AKR1C4: variants seen among roughly 807,000 people sequenced by gnomAD.
The protein encoded by AKR1C4 is aldo-keto reductase family 1 member C4, also known as 3-alpha-HSD1.
A neutral mutation model predicts 41.0 loss-of-function variants in AKR1C4; 44 were observed. The observed-to-expected ratio is 1.07, with a 90% CI of 0.84 to 1.38. The LOEUF (loss-of-function observed/expected upper bound fraction) is 1.38, where lower values mean the gene tolerates loss of function less well. AKR1C4 is among the 40% of genes most tolerant of loss of function. The pLI, the probability that AKR1C4 is intolerant of heterozygous loss-of-function variation, is 0.00. For missense variants in AKR1C4, 438 were observed against 387.9 expected, an observed-to-expected ratio of 1.13 and a Z score of -1.09; for synonymous variants, 165 against 137.7, an observed-to-expected ratio of 1.20 and a Z score of -1.39.
At chr10:5,216,162 A>C (rs1199212786) in intron 7 of AKR1C4, among the ~76,000 whole-genome samples, 1 of 152,190 alleles carries the variant, frequency 6.6e-6, no homozygotes, top group Non-Finnish European at 1.5e-5. Context: ...GAAGAGGGAA[A>C]AAAAGAAAAT....
chr10:5,207,083 A>AGACC (rs1832501470), intron 5 of AKR1C4: 1 of 155,672 alleles, frequency 6.4e-6, no homozygotes, highest in Admixed American at 6.5e-5. Flanking sequence ...CGGGAGTCTT[A>AGACC]TAGCTGGGCC....
chr10:5,205,901 C>T, intron 4 of AKR1C4, 67 bp downstream of exon 4: 1 of 1,443,618 alleles, frequency 6.9e-7, no homozygotes, highest in Non-Finnish European at 9.5e-7. Context: ...CCCCAGCTTT[C>T]ATATGCAACA....
Position 5,213,106 on chromosome 10 carries a change from G to A in AKR1C4, c.793G>A (p.Val265Ile), listed in dbSNP as rs1832603317. 6.2e-7 allele frequency: 1 copy of A among 1,614,156 alleles called. No individual in the cohort carries two copies. Among genetic ancestry groups the A allele is most frequent in the Admixed American group, 1.7e-5 (1 of 60,022 alleles). Reference sequence around the variant, plus strand: ...CCTGCGCTACCAGCTGCAGCGTGGGGTTGTGGTCCTGGCCAAGAGCTACAA... The same window carrying A: ...CCTGCGCTACCAGCTGCAGCGTGGGATTGTGGTCCTGGCCAAGAGCTACAA... ...IALRYQLQRGVVVLAKSYNEQ... is the reference protein window; with the variant it reads ...IALRYQLQRGIVVLAKSYNEQ... Residue 265 changes from valine (V) to isoleucine (I), a missense_variant, in exon 7 of 9, where the codon GTT becomes ATT. Val to Ile is a conservative substitution (Grantham distance 29). Transcript: ENST00000263126.
chr10:5,208,170 A>G (rs1248621471), intron 5 of AKR1C4, among the ~76,000 whole-genome samples: 2 of 151,612 alleles, frequency 1.3e-5, no homozygotes, highest in African/African-American at 4.9e-5. Flanking sequence ...TTGACTGTCC[A>G]CATCTTATTC....
intron 5 of AKR1C4, among the ~76,000 whole-genome samples, chr10:5,209,187 G>C (rs904271897): frequency 6.6e-6 from 1 of 152,160 alleles, no homozygotes; most frequent in Non-Finnish European, 1.5e-5. Context: ...CTAATTTCCA[G>C]AGACATGTGT....
intron 3 of AKR1C4, 24 bp from the exon 4 acceptor site, chr10:5,205,733 C>A (rs782495506): frequency 1.3e-5 from 21 of 1,607,770 alleles, no homozygotes; most frequent in Middle Eastern, 1.7e-4. Context: ...AATGGTGACA[C>A]TAAAGTGACT....
intron 8 of AKR1C4, among the ~76,000 whole-genome samples, chr10:5,217,852 CCAAGGTTCTAGGATT>C (rs1454343817): frequency 2.0e-5 from 3 of 152,128 alleles, no homozygotes; most frequent in Admixed American, 2.0e-4. Flanking sequence ...TCTATATGCT[CCAAGGTTCTAGGATT>C]CACAGAAAGG....
chr10:5,206,198 T>C (rs1388901426), intron 4 of AKR1C4, 77 bp from the exon 5 acceptor site: 12 of 1,599,496 alleles, frequency 7.5e-6, no homozygotes, highest in Non-Finnish European at 1.0e-5. Context: ...AGTTGTTGCT[T>C]TAACAGTTCT....
In AKR1C4 at chr10:5,204,260, T is replaced by C. The variant is rs185826054; in HGVS notation, c.253-117T>C. The C allele has an allele frequency of 4.0e-6, 3 of 759,074 alleles. No individual in the cohort carries two copies. The African/African-American group carries it at 5.2e-5, about 13-fold the overall frequency. 47.0% of individuals were successfully genotyped at this position (759,074 alleles called of 1,614,324 possible). On this transcript the variant is annotated intron_variant, in intron 2 of 8. Transcript: ENST00000263126. Reference sequence around the variant, plus strand: ...TCATATCAAAATAAAACAAAGGGAATTTTTGCCAGAGGTCATCTGTTTGGA... The same window carrying C: ...TCATATCAAAATAAAACAAAGGGAACTTTTGCCAGAGGTCATCTGTTTGGA...
At chr10:5,214,697 T>TTCTAA (rs1554798317) in intron 7 of AKR1C4, among the ~76,000 whole-genome samples, 7 of 152,194 alleles carry the variant, frequency 4.6e-5, no homozygotes, top group Non-Finnish European at 1.0e-4. Context: ...TTTGAGAATT[T>TTCTAA]TCTAATCTAT....
intron 7 of AKR1C4, 114 bp downstream of exon 7, chr10:5,213,273 C>A: frequency 6.8e-7 from 1 of 1,479,442 alleles, no homozygotes; most frequent in South Asian, 1.4e-5. Flanking sequence ...ATTTCCTATG[C>A]ACAAATGCTT....
At chr10:5,199,653 T>C (rs941195486) in intron 1 of AKR1C4, among the ~76,000 whole-genome samples, 3 of 152,008 alleles carry the variant, frequency 2.0e-5, no homozygotes, top group Non-Finnish European at 4.4e-5. Context: ...TGACGCTGAG[T>C]TTGGCTGGGG....
At chr10:5,200,874 CCTGAATTA>C (rs1832390872) in intron 2 of AKR1C4, among the ~76,000 whole-genome samples, 1 of 152,138 alleles carries the variant, frequency 6.6e-6, no homozygotes. Context: ...GTTTTCCATT[CCTGAATTA>C]CTTTACTTAG....
At position 5,205,811 on chromosome 10, in the gene AKR1C4, G is replaced by C; in HGVS notation, c.424G>C (p.Val142Leu). 2 of 1,613,502 alleles carry C rather than the reference G, an allele frequency of 1.2e-6. No individual in the cohort carries two copies. Among genetic ancestry groups the C allele is most frequent in the Non-Finnish European group, 1.7e-6 (2 of 1,179,582 alleles). Residue 142 changes from valine to leucine, a missense_variant, in exon 4 of 9, where the codon GTG (valine) becomes CTG (leucine). Coordinates refer to ENST00000263126, the MANE Select transcript of AKR1C4 (RefSeq NM_001818.5). ...DENGKVIFDT[V>L]DLSATWEVME... ...AAATGGAAAAGTAATATTCGACACA[G>C]TGGATCTCTCTGCCACATGGGAGGT... is the stretch of plus-strand genomic sequence containing the variant.
Position 5,218,710 on chromosome 10 carries a change from C to A in AKR1C4, c.930-8C>A. The A allele has an allele frequency of 1.9e-6, 3 of 1,587,522 alleles. No homozygotes were observed. The highest frequency in any genetic ancestry group is 2.6e-6 in the Non-Finnish European group (3 of 1,155,772). Reference sequence around the variant, plus strand: ...TCCATATTTATGTACTATCCTTTCTCTTTTCAGTCTTATGGACCATCCTGA... The same window carrying A: ...TCCATATTTATGTACTATCCTTTCTATTTTCAGTCTTATGGACCATCCTGA... On this transcript the variant is annotated splice_polypyrimidine_tract_variant and splice_region_variant and intron_variant, in intron 8 of 8. Transcript: ENST00000263126.
At chr10:5,200,835 C>A (rs920136702) in intron 2 of AKR1C4, among the ~76,000 whole-genome samples, 21 of 152,142 alleles carry the variant, frequency 1.4e-4, no homozygotes, top group African/African-American at 4.8e-4. Flanking sequence ...GCTTAGTTCC[C>A]ACTTATAAGT....
chr10:5,213,159 G>A lies in AKR1C4; in HGVS notation c.846G>A (p.Gln282=). 1 of 1,613,188 alleles carries A rather than the reference G, an allele frequency of 6.2e-7. No individual in the cohort carries two copies. Among genetic ancestry groups the A allele is most frequent in the Non-Finnish European group, 8.5e-7 (1 of 1,179,960 alleles). Residue 282 remains glutamine (Q), a splice_region_variant and synonymous_variant, in exon 7 of 9, where the codon CAG becomes CAA. Coordinates refer to ENST00000263126, the MANE Select transcript of AKR1C4 (RefSeq NM_001818.5). ...AGCAGCGGATCAGAGAGAACATCCA[G>A]GTGAGGAGTTGGGTGGGCATCAGGG... The part of the protein sequence containing the change: ...YNEQRIRENI[Q]VFEFQLTSED...
intron 7 of AKR1C4, among the ~76,000 whole-genome samples, chr10:5,215,175 G>C (rs1346543522): frequency 6.6e-6 from 1 of 152,158 alleles, no homozygotes; most frequent in African/African-American, 2.4e-5. Context: ...AGATTCGGAA[G>C]AATCTGGAGA....
intron 8 of AKR1C4, 111 bp downstream of exon 8, chr10:5,216,904 G>A: frequency 1.4e-6 from 1 of 691,698 alleles, no homozygotes; most frequent in Non-Finnish European, 2.5e-6. Flanking sequence ...GCAAGTGAGA[G>A]GTGAGACAGG....
Sources: gnomAD v4.1 joint callset for allele counts (sites outside exome capture counted in the v4.1 genomes callset) on GRCh38, gnomAD v4.1.1 for gene constraint, MANE v1.5 for transcripts, NCBI Gene and HGNC (gene_info 2026-07-23, HGNC 2026-07-21) for gene names.